DSCAML1: variants seen among roughly 807,000 people sequenced by gnomAD.
DSCAML1 encodes the protein DS cell adhesion molecule like 1.
A neutral mutation model predicts 200.5 loss-of-function variants in DSCAML1; 38 were observed. The observed-to-expected ratio is 0.19, with a 90% CI of 0.15 to 0.25. The LOEUF (loss-of-function observed/expected upper bound fraction) is 0.25, where lower values mean the gene tolerates loss of function less well. DSCAML1 is among the 10% of genes least tolerant of loss of function. DSCAML1 has a pLI of 1.00. For synonymous variants in DSCAML1, 1,215 were observed against 1,165.0 expected, an observed-to-expected ratio of 1.04 and a Z score of -0.87; for missense variants, 2,223 against 2,858.8, an observed-to-expected ratio of 0.78 and a Z score of 5.07.
At chr11:117,665,745 C>T (rs1213051513) in intron 3 of DSCAML1, among the ~76,000 whole-genome samples, 1 of 152,174 alleles carries the variant, frequency 6.6e-6, no homozygotes. Flanking sequence ...CCCATAATCC[C>T]AACGGCCTCA....
At chr11:117,573,940 G>A (rs2050889799) in intron 3 of DSCAML1, among the ~76,000 whole-genome samples, 1 of 152,180 alleles carries the variant, frequency 6.6e-6, no homozygotes, top group Non-Finnish European at 1.5e-5. Context: ...CTCATGCTCG[G>A]CAGGATGTTC....
intron 5 of DSCAML1, among the ~76,000 whole-genome samples, chr11:117,524,264 T>C (rs12577702): frequency 0.096 from 14,575 of 152,292 alleles, 897 homozygotes; most frequent in South Asian, 0.21. Context: ...TGGAAGGTCC[T>C]GGCAGAGATG....
chr11:117,609,348 C>T (rs2051641580), intron 3 of DSCAML1, among the ~76,000 whole-genome samples: 1 of 148,452 alleles, frequency 6.7e-6, no homozygotes, highest in Admixed American at 6.7e-5. Context: ...CACTTTGTTA[C>T]CCAGGCTGGA....
At position 117,780,233 on chromosome 11, in the gene DSCAML1, A is replaced by AAAGT. The variant is rs1397466921; in HGVS notation, c.364+259_364+260insACTT. Among the ~76,000 whole-genome samples the AAAGT allele has an allele frequency of 3.6e-3, 174 of 48,292 alleles. 5 individuals are homozygous for AAAGT. Among genetic ancestry groups the AAAGT allele is most frequent in the African/African-American group, 0.013 (160 of 12,414 alleles). The allele number at this position is 48,292 out of a possible 152,430, so 31.7% of individuals were successfully genotyped here. A position where few individuals can be genotyped will look rare whatever the true frequency, so the allele number is the denominator to read the frequency against. ...AGAGAGAGAGAGAAAGAAAGAAAGGAAAGAAAGAAAGAAAGAAAGAAAGAA... is the reference window on the plus strand; with the variant it reads ...AGAGAGAGAGAGAAAGAAAGAAAGGAAAGTAAGAAAGAAAGAAAGAAAGAAAGAA... On this transcript the variant is annotated intron_variant, in intron 2 of 32. Coordinates refer to ENST00000651296, the MANE Select transcript of DSCAML1 (RefSeq NM_020693.4). The surrounding 1 kb of genome is among the most constrained non-coding windows in gnomAD (Gnocchi z 4.8).
chr11:117,643,052 T>C (rs2052444225), intron 3 of DSCAML1, among the ~76,000 whole-genome samples: 1 of 152,210 alleles, frequency 6.6e-6, no homozygotes, highest in African/African-American at 2.4e-5. Context: ...GGTGTACTTG[T>C]TACCTAGTTC....
In DSCAML1 at chr11:117,450,602, C is replaced by T. The variant is rs762499777; in HGVS notation, c.3655G>A (p.Gly1219Arg). 6.2e-7 allele frequency: 1 copy of T among 1,614,210 alleles called. No homozygotes were observed. Among genetic ancestry groups the T allele is most frequent in the Non-Finnish European group, 8.5e-7 (1 of 1,180,032 alleles). Residue 1219 changes from glycine (G) to arginine (R), a missense_variant, in exon 20 of 33, where the codon GGG becomes AGG. By Grantham distance (125) the Gly-to-Arg change is moderately radical. Coordinates refer to ENST00000651296, the MANE Select transcript of DSCAML1 (RefSeq NM_020693.4). Reference sequence around the variant, plus strand: ...AAGATGGTGTACTTGCGGATCACCCCGTTGGGCTTGGTAGGGGGGAGCCAA... The same window carrying T: ...AAGATGGTGTACTTGCGGATCACCCTGTTGGGCTTGGTAGGGGGGAGCCAA... ...VSWLPPTKPN[G>R]VIRKYTIFCS...
chr11:117,476,942 G>A (rs2048805888), intron 14 of DSCAML1, among the ~76,000 whole-genome samples: 2 of 152,150 alleles, frequency 1.3e-5, no homozygotes, highest in South Asian at 4.1e-4. Flanking sequence ...CAGAGACACA[G>A]GACAGGAATC....
chr11:117,438,811 G>T, intron 24 of DSCAML1, 74 bp downstream of exon 24: 2 of 1,282,138 alleles, frequency 1.6e-6, no homozygotes, highest in South Asian at 3.4e-5. Context: ...TGGCAGAAGT[G>T]GGTGAAGCCC....
At chr11:117,771,054 C>T (rs1321003809) in intron 3 of DSCAML1, among the ~76,000 whole-genome samples, 3 of 152,154 alleles carry the variant, frequency 2.0e-5, no homozygotes, top group African/African-American at 4.8e-5. Flanking sequence ...GTCTCCAGGG[C>T]ACTCTCCAGC....
chr11:117,444,163 C>T, intron 20 of DSCAML1, 124 bp from the exon 21 acceptor site: 1 of 1,168,688 alleles, frequency 8.6e-7, no homozygotes, highest in Non-Finnish European at 1.2e-6. Flanking sequence ...AGGATTCTGT[C>T]CTATTTGCCC....
intron 24 of DSCAML1, among the ~76,000 whole-genome samples, chr11:117,438,318 C>G (rs896993401): frequency 3.2e-5 from 4 of 125,308 alleles, no homozygotes; most frequent in Non-Finnish European, 6.4e-5. Context: ...GTCCAGCCCC[C>G]GGCGGGTCTG....
At chr11:117,667,850 C>T (rs1015928264) in intron 3 of DSCAML1, among the ~76,000 whole-genome samples, 12 of 152,174 alleles carry the variant, frequency 7.9e-5, no homozygotes, top group African/African-American at 1.2e-4. Context: ...ACCCTGTATC[C>T]GAACACATCG....
intron 1 of DSCAML1, among the ~76,000 whole-genome samples, chr11:117,793,744 T>C (rs1335030686): frequency 5.3e-5 from 8 of 152,212 alleles, no homozygotes; most frequent in Admixed American, 5.2e-4. Flanking sequence ...CCGGGATCTG[T>C]TCAACTTAAG....
intron 7 of DSCAML1, among the ~76,000 whole-genome samples, chr11:117,517,156 T>C (rs1039475273): frequency 5.9e-5 from 9 of 152,324 alleles, no homozygotes; most frequent in Non-Finnish European, 1.0e-4. Context: ...GTTTCCATTC[T>C]ACTTGCTTAT....
chr11:117,693,527 A>T lies in DSCAML1; in HGVS notation c.511+83264T>A, dbSNP rs1209027693. On this transcript the variant is annotated intron_variant, in intron 3 of 32. Coordinates refer to ENST00000651296, the MANE Select transcript of DSCAML1 (RefSeq NM_020693.4). ...ATTTGACATCTCCCTCCAGGTACAC[A>T]TCAGCTTGTTAAACTACATTCTTTG... is the stretch of plus-strand genomic sequence containing the variant. 2.0e-5 allele frequency among the ~76,000 whole-genome samples: 3 copies of T among 152,298 alleles called. No individual in the cohort carries two copies. The East Asian group carries it at 5.8e-4, about 29-fold the overall frequency.
chr11:117,599,809 C>T (rs2051431993), intron 3 of DSCAML1, among the ~76,000 whole-genome samples: 1 of 152,214 alleles, frequency 6.6e-6, no homozygotes, highest in South Asian at 2.1e-4. Flanking sequence ...AATAGCGACG[C>T]ACGCTTACTC....
chr11:117,450,392 C>T (rs1050199929), intron 20 of DSCAML1, among the ~76,000 whole-genome samples, 157 bp downstream of exon 20: 29 of 152,372 alleles, frequency 1.9e-4, no homozygotes, highest in African/African-American at 6.0e-4. Context: ...AGTAAGGCTT[C>T]GGCCACTCTG....
chr11:117,613,923 A>G (rs1304459092), intron 3 of DSCAML1, among the ~76,000 whole-genome samples: 1 of 151,580 alleles, frequency 6.6e-6, no homozygotes, highest in Non-Finnish European at 1.5e-5. Flanking sequence ...AAGGAGGGCC[A>G]CTGAAGCCTA....
intron 17 of DSCAML1, 105 bp from the exon 18 acceptor site, chr11:117,461,701 G>A (rs528352721): frequency 2.7e-5 from 31 of 1,138,980 alleles, no homozygotes; most frequent in East Asian, 9.7e-5. Context: ...CCAGAGGAGC[G>A]TCCAGTTAGA....
Sources: gnomAD v4.1 joint callset for allele counts (sites outside exome capture counted in the v4.1 genomes callset) on GRCh38, gnomAD v4.1.1 for gene constraint, Gnocchi (gnomAD v3.1) non-coding constraint, MANE v1.5 for transcripts, NCBI Gene and HGNC (gene_info 2026-07-23, HGNC 2026-07-21) for gene names.